KIFAP3: variants seen among roughly 807,000 people sequenced by gnomAD.
KIFAP3 encodes the protein kinesin associated protein 3, also known as kinesin-associated protein 3.
A neutral mutation model predicts 106.5 loss-of-function variants in KIFAP3; 68 were observed. The observed-to-expected ratio is 0.64, with a 90% CI of 0.53 to 0.78. The LOEUF (loss-of-function observed/expected upper bound fraction) is 0.78, where lower values mean the gene tolerates loss of function less well. Ranked by LOEUF, KIFAP3 falls within the 30% of genes least tolerant of loss-of-function variation. The probability of loss-of-function intolerance (pLI) is 0.00; values close to 1 mark genes in which losing one functional copy is unlikely to be tolerated. For missense variants in KIFAP3, 780 were observed against 941.8 expected (o/e 0.83, Z 2.25); for synonymous variants, 320 against 311.5 (o/e 1.03, Z -0.29).
At chr1:170,019,192 A>G (rs1668678963) in intron 9 of KIFAP3, among the ~76,000 whole-genome samples, 1 of 152,156 alleles carries the variant, frequency 6.6e-6, no homozygotes, top group Non-Finnish European at 1.5e-5. Flanking sequence ...TATTAAACCA[A>G]TTTACAGAAA....
chr1:169,989,236 T>G (rs182858344), intron 11 of KIFAP3, among the ~76,000 whole-genome samples: 16 of 152,128 alleles, frequency 1.1e-4, no homozygotes, highest in Non-Finnish European at 2.1e-4. Context: ...AATTTTACAT[T>G]TTATATTTGA....
intron 3 of KIFAP3, among the ~76,000 whole-genome samples, chr1:170,042,069 G>A (rs1052610851): frequency 2.6e-5 from 4 of 152,188 alleles, no homozygotes; most frequent in Admixed American, 6.5e-5. Context: ...GGAAAGGGGG[G>A]TCTGTTTTAT....
chr1:169,942,400 C>T (rs904520043), intron 19 of KIFAP3, among the ~76,000 whole-genome samples: 6 of 152,214 alleles, frequency 3.9e-5, no homozygotes, highest in Non-Finnish European at 8.8e-5. Context: ...ACACCTTCTC[C>T]TCTTAGTTTA....
intron 18 of KIFAP3, among the ~76,000 whole-genome samples, chr1:169,959,700 A>G (rs1314428868): frequency 1.3e-5 from 2 of 152,132 alleles, no homozygotes; most frequent in Non-Finnish European, 2.9e-5. Flanking sequence ...GAAACTGGTA[A>G]TTGATTCATT....
chr1:170,011,980 T>C (rs1303941558), intron 10 of KIFAP3, among the ~76,000 whole-genome samples: 1 of 152,040 alleles, frequency 6.6e-6, no homozygotes, highest in Non-Finnish European at 1.5e-5. Context: ...TTAAGCAAAA[T>C]CAGTTTCTTC....
chr1:170,020,971 CA>C (rs1668786299), intron 9 of KIFAP3, among the ~76,000 whole-genome samples: 1 of 152,076 alleles, frequency 6.6e-6, no homozygotes. Context: ...AAATACAGTC[CA>C]CTAAATTTTT....
In KIFAP3 at chr1:170,034,463, A is replaced by G; in HGVS notation, c.651T>C (p.Tyr217=). ...FSQFHGLITH[Y]KIGALCMNII... ...TATTCATACACAGAGCTCCAATTTTATAGTGAGTAATAAGTCCATGAAATT... is the reference window on the plus strand; with the variant it reads ...TATTCATACACAGAGCTCCAATTTTGTAGTGAGTAATAAGTCCATGAAATT... Residue 217 remains tyrosine (Y), a synonymous_variant, in exon 7 of 20, where the codon TAT becomes TAC. Transcript: ENST00000361580. 6.6e-7 allele frequency: 1 copy of G among 1,523,516 alleles called. No homozygotes were observed. The highest frequency in any genetic ancestry group is 9.1e-7 in the Non-Finnish European group (1 of 1,104,698). 94.4% of individuals were successfully genotyped at this position (1,523,516 alleles called of 1,614,324 possible). A position where few individuals can be genotyped will look rare whatever the true frequency, so the allele number is the denominator to read the frequency against.
chr1:170,019,129 G>T (rs765903512), intron 9 of KIFAP3, among the ~76,000 whole-genome samples: 28 of 152,058 alleles, frequency 1.8e-4, no homozygotes, highest in Non-Finnish European at 3.7e-4. Context: ...TTCCTTGAAA[G>T]ACAAACTACA....
At chr1:170,081,625 T>C (rs1017769111) in intron 1 of KIFAP3, among the ~76,000 whole-genome samples, 1 of 152,212 alleles carries the variant, frequency 6.6e-6, no homozygotes, top group Non-Finnish European at 1.5e-5. Flanking sequence ...GCCCAAGTTC[T>C]TTTCATTATT....
At position 169,990,133 on chromosome 1, in the gene KIFAP3, C is replaced by T. The variant is rs372420553; in HGVS notation, c.1284+2022G>A. The T allele has an allele frequency of 2.5e-5, 37 of 1,499,420 alleles. 1 individual carries two copies. Among genetic ancestry groups the T allele is most frequent in the Admixed American group, 1.0e-4 (5 of 47,798 alleles). 92.9% of individuals were successfully genotyped at this position (1,499,420 alleles called of 1,614,324 possible). ...GCGATTTACTCTTCTCCAATCAGTG[C>T]ATATTTACAAGAAGCACAGAGTTCA... On this transcript the variant is annotated intron_variant, in intron 11 of 19. Coordinates refer to ENST00000361580, the MANE Select transcript of KIFAP3 (RefSeq NM_014970.4).
rs16862959 is a variant in KIFAP3 at position 170,025,833 on chromosome 1, C to G, written c.842-1237G>C. Among the ~76,000 whole-genome samples, 1,090 of 152,250 alleles carry G rather than the reference C, an allele frequency of 7.2e-3. 18 individuals are homozygous for G. The highest frequency in any genetic ancestry group is 0.024 in the African/African-American group (999 of 41,536). ...AGGTTTTAGAATTACATTGAAAAAA[C>G]AAACAGACTTCTCTTTACAGCCAAG... On this transcript the variant is annotated intron_variant, in intron 8 of 19. Transcript: ENST00000361580.
chr1:169,928,721 A>AAAAAAAAAAAAAAAAAAAAAAAAAAAG (rs1663290857), intron 19 of KIFAP3, among the ~76,000 whole-genome samples: 1 of 147,932 alleles, frequency 6.8e-6, no homozygotes, highest in Admixed American at 6.9e-5. Flanking sequence ...AAAAAAAAAA[A>AAAAAAAAAAAAAAAAAAAAAAAAAAAG]TTAAAGTTAT....
At chr1:170,041,164 A>G (rs1669957359) in intron 3 of KIFAP3, among the ~76,000 whole-genome samples, 1 of 152,204 alleles carries the variant, frequency 6.6e-6, no homozygotes, top group South Asian at 2.1e-4. Context: ...TAATTCATTC[A>G]ACAAATATAT....
intron 19 of KIFAP3, among the ~76,000 whole-genome samples, chr1:169,922,080 CTT>C (rs1177469215): frequency 2.0e-5 from 3 of 152,000 alleles, no homozygotes; most frequent in Non-Finnish European, 4.4e-5. Flanking sequence ...ATATATGGCT[CTT>C]AAGCAAAAAT....
chr1:170,041,624 T>C (rs1179771239), intron 3 of KIFAP3: 11 of 1,448,898 alleles, frequency 7.6e-6, no homozygotes, highest in Non-Finnish European at 1.0e-5. Flanking sequence ...GCCTGGCTTC[T>C]TTAAGCCAGG....
At chr1:170,031,749 G>A (rs146039548) in intron 8 of KIFAP3, 137 bp downstream of exon 8, 19 of 570,934 alleles carry the variant, frequency 3.3e-5, no homozygotes, top group Admixed American at 5.3e-5. Context: ...AAAGACAGAC[G>A]AACTTGTAGC....
In KIFAP3 at chr1:169,934,686, C is replaced by T. The variant is rs546162390; in HGVS notation, c.2274-12905G>A. Among the ~76,000 whole-genome samples, 10 of 152,168 alleles carry T rather than the reference C, an allele frequency of 6.6e-5. No homozygotes were observed. In the South Asian group the frequency reaches 1.9e-3, roughly 28 times the overall value. ...GGCACTTATAAGCAAAGCTGGGCAA[C>T]TATGAGAATTCTTTAAGGAGATGGA... On this transcript the variant is annotated intron_variant, in intron 19 of 19. Coordinates refer to ENST00000361580, the MANE Select transcript of KIFAP3 (RefSeq NM_014970.4).
At chr1:169,948,027 G>C (rs950642833) in intron 19 of KIFAP3, among the ~76,000 whole-genome samples, 3 of 150,916 alleles carry the variant, frequency 2.0e-5, no homozygotes, top group African/African-American at 7.3e-5. Flanking sequence ...TACCCTCAAT[G>C]TATCAATTTT....
At chr1:170,008,653 C>T (rs536828412) in intron 10 of KIFAP3, among the ~76,000 whole-genome samples, 39 of 152,250 alleles carry the variant, frequency 2.6e-4, no homozygotes, top group African/African-American at 8.7e-4. Flanking sequence ...GAAATAGGAA[C>T]GCTTTTACAC....
Sources: allele counts gnomAD v4.1 joint callset (sites outside exome capture counted in the v4.1 genomes callset), GRCh38; gene constraint gnomAD v4.1.1; transcripts MANE v1.5; gene names NCBI Gene and HGNC (gene_info 2026-07-23, HGNC 2026-07-21).